Variants in NUBPL observed in about 807,000 individuals in gnomAD.
NUBPL encodes the protein NUBP iron-sulfur cluster assembly factor, mitochondrial, also known as iron-sulfur cluster transfer protein NUBPL.
NUBPL carries 31 observed loss-of-function variants against 45.7 expected under a neutral mutation model. The observed-to-expected ratio is 0.68, with a 90% CI of 0.51 to 0.92. NUBPL has a LOEUF of 0.92. NUBPL is among the 40% of genes least tolerant of loss of function. NUBPL has a pLI of 0.00. For synonymous variants in NUBPL, 144 were observed against 140.9 expected, an observed-to-expected ratio of 1.02 and a Z score of -0.15; for missense variants, 401 against 398.7, an observed-to-expected ratio of 1.01 and a Z score of -0.05.
intron 3 of NUBPL, among the ~76,000 whole-genome samples, chr14:31,571,382 G>A (rs2033577828): frequency 6.6e-6 from 1 of 150,550 alleles, no homozygotes. Context: ...CAAAGGCACT[G>A]TGTGAGCTAG....
intron 7 of NUBPL, among the ~76,000 whole-genome samples, chr14:31,789,539 T>C (rs1406360960): frequency 6.6e-6 from 1 of 152,050 alleles, no homozygotes; most frequent in African/African-American, 2.4e-5. Flanking sequence ...TTACCCTTTA[T>C]TTTGAATCTG....
intron 6 of NUBPL, among the ~76,000 whole-genome samples, chr14:31,765,444 T>C (rs570356453): frequency 2.6e-5 from 4 of 152,240 alleles, no homozygotes; most frequent in Admixed American, 6.5e-5. Flanking sequence ...TTTTGACTTA[T>C]GATAACCTGG....
rs1398689268 is a variant in NUBPL, at chr14:31,630,741, C to T, written c.382+31362C>T. 2.6e-5 allele frequency among the ~76,000 whole-genome samples: 4 copies of T among 152,118 alleles called. No homozygotes were observed. The East Asian group carries it at 7.7e-4, about 29-fold the overall frequency. On this transcript the variant is annotated intron_variant, in intron 4 of 10. Coordinates refer to ENST00000281081, the MANE Select transcript of NUBPL (RefSeq NM_025152.3). ...ACCCCTTTACTAAGGCAATATCTTTCTAATGACTCTCTACCCAATGCTCCA... is the reference window on the plus strand; with the variant it reads ...ACCCCTTTACTAAGGCAATATCTTTTTAATGACTCTCTACCCAATGCTCCA...
chr14:31,837,820 C>G (rs76952464), intron 8 of NUBPL, among the ~76,000 whole-genome samples: 15,062 of 152,090 alleles, frequency 0.099, 962 homozygotes, highest in Non-Finnish European at 0.15. Flanking sequence ...ATAATTATGG[C>G]AATGCAAATT....
rs148984712 is a variant in NUBPL, at chr14:31,663,618, A to G, written c.383-9737A>G. Reference sequence around the variant, plus strand: ...TCCATATATCTGTTTTGGTACCAGTATCGTGCTGTTTTGGTTACTGTAGCC... The same window carrying G: ...TCCATATATCTGTTTTGGTACCAGTGTCGTGCTGTTTTGGTTACTGTAGCC... On this transcript the variant is annotated intron_variant, in intron 4 of 10. Coordinates refer to ENST00000281081, the MANE Select transcript of NUBPL (RefSeq NM_025152.3). 1.8e-3 allele frequency among the ~76,000 whole-genome samples: 277 copies of G among 152,298 alleles called. 2 individuals are homozygous for G. The highest frequency in any genetic ancestry group is 6.4e-3 in the African/African-American group (265 of 41,556).
chr14:31,745,852 C>T (rs770887423), intron 6 of NUBPL, among the ~76,000 whole-genome samples: 17 of 151,928 alleles, frequency 1.1e-4, no homozygotes, highest in Non-Finnish European at 1.9e-4. Context: ...TGATAAGGAA[C>T]GCTGAAAACA....
intron 4 of NUBPL, among the ~76,000 whole-genome samples, chr14:31,628,191 AGT>A (rs2035256458): frequency 6.6e-6 from 1 of 152,208 alleles, no homozygotes; most frequent in Non-Finnish European, 1.5e-5. Flanking sequence ...AAATTTGGCA[AGT>A]GTTGGTTTCT....
At chr14:31,822,637 C>T (rs1467923851) in intron 7 of NUBPL, among the ~76,000 whole-genome samples, 2 of 151,932 alleles carry the variant, frequency 1.3e-5, no homozygotes, top group Non-Finnish European at 2.9e-5. Context: ...TGATTAAGGA[C>T]TTAATCATTA....
intron 8 of NUBPL, among the ~76,000 whole-genome samples, chr14:31,842,143 A>T (rs2040386572): frequency 6.6e-6 from 1 of 151,494 alleles, no homozygotes; most frequent in South Asian, 2.1e-4. Context: ...GTTAGCCAGG[A>T]TGGTCTTGAT....
At chr14:31,614,410 C>A (rs1031768196) in intron 4 of NUBPL, among the ~76,000 whole-genome samples, 1 of 152,082 alleles carries the variant, frequency 6.6e-6, no homozygotes, top group African/African-American at 2.4e-5. Context: ...TTTGGAGGAA[C>A]ATTTAGGGCT....
At chr14:31,813,206 C>T (rs1201649308) in intron 7 of NUBPL, among the ~76,000 whole-genome samples, 1 of 151,954 alleles carries the variant, frequency 6.6e-6, no homozygotes, top group Non-Finnish European at 1.5e-5. Flanking sequence ...CCAGGATGGT[C>T]TCAATCTCCT....
chr14:31,662,740 T>C (rs568562740), intron 4 of NUBPL, among the ~76,000 whole-genome samples: 8 of 152,360 alleles, frequency 5.3e-5, no homozygotes, highest in Non-Finnish European at 8.8e-5. Context: ...TCCAAGTCTT[T>C]GCTATTGTCA....
intron 6 of NUBPL, among the ~76,000 whole-genome samples, chr14:31,721,317 G>T (rs2037803244): frequency 6.6e-6 from 1 of 152,134 alleles, no homozygotes; most frequent in South Asian, 2.1e-4. Context: ...CATTTACTGA[G>T]TGTGTGCCAG....
chr14:31,734,218 T>C (rs530067614), intron 6 of NUBPL, among the ~76,000 whole-genome samples: 181 of 152,346 alleles, frequency 1.2e-3, no homozygotes, highest in African/African-American at 4.0e-3. Flanking sequence ...CATAAAAGGC[T>C]TCAGAATCCA....
At chr14:31,631,348 C>T (rs2035338028) in intron 4 of NUBPL, among the ~76,000 whole-genome samples, 1 of 151,804 alleles carries the variant, frequency 6.6e-6, no homozygotes, top group Admixed American at 6.6e-5. Context: ...TCTATGTATT[C>T]TCTACACCAC....
chr14:31,642,934 T>A (rs75895959), intron 4 of NUBPL, among the ~76,000 whole-genome samples: 3,028 of 152,246 alleles, frequency 0.02, 42 homozygotes, highest in Non-Finnish European at 0.033. Context: ...ATGGACTGCT[T>A]TCTTGATTTC....
chr14:31,561,599 A>G, intron 1 of NUBPL, 52 bp downstream of exon 1: 1 of 1,182,082 alleles, frequency 8.5e-7, no homozygotes, highest in Non-Finnish European at 1.1e-6. Context: ...GCTGGGCTGC[A>G]GGGCCGCAGA....
chr14:31,819,725 A>G (rs939052207), intron 7 of NUBPL, among the ~76,000 whole-genome samples: 2 of 152,252 alleles, frequency 1.3e-5, no homozygotes, highest in African/African-American at 4.8e-5. Flanking sequence ...CTGCCAGACA[A>G]TCAACCTTTT....
intron 6 of NUBPL, among the ~76,000 whole-genome samples, chr14:31,693,294 A>G (rs1237737699): frequency 6.6e-6 from 1 of 152,210 alleles, no homozygotes; most frequent in Non-Finnish European, 1.5e-5. Context: ...GGATATATTC[A>G]GCCTCTTAAG....
Sources: allele counts gnomAD v4.1 joint callset (sites outside exome capture counted in the v4.1 genomes callset), GRCh38; gene constraint gnomAD v4.1.1; transcripts MANE v1.5; gene names NCBI Gene and HGNC (gene_info 2026-07-23, HGNC 2026-07-21).